ADRA1A: variants seen among roughly 807,000 people sequenced by gnomAD.
ADRA1A encodes the protein adrenoceptor alpha 1A.
Under a neutral mutation model 29.6 loss-of-function variants are expected in ADRA1A, and 31 were observed. The observed-to-expected ratio is 1.05, with a 90% confidence interval of 0.79 to 1.41. The LOEUF (loss-of-function observed/expected upper bound fraction) is 1.41, where lower values mean the gene tolerates loss of function less well. Ranked by LOEUF, ADRA1A falls within the 40% of genes most tolerant of loss-of-function variation. ADRA1A has a pLI of 0.00. For missense variants in ADRA1A, 619 were observed against 601.1 expected, an observed-to-expected ratio of 1.03 and a Z score of -0.31; for synonymous variants, 311 against 254.3, an observed-to-expected ratio of 1.22 and a Z score of -2.12.
chr8:26,844,495 G>C (rs560530423), intron 2 of ADRA1A, among the ~76,000 whole-genome samples: 179 of 152,242 alleles, frequency 1.2e-3, no homozygotes, highest in African/African-American at 2.5e-3. Context: ...GTGTGGTACT[G>C]TCATAAGGAT....
intron 2 of ADRA1A, among the ~76,000 whole-genome samples, chr8:26,822,232 C>T (rs867474841): frequency 1.3e-5 from 2 of 152,268 alleles, no homozygotes; most frequent in Middle Eastern, 3.4e-3. Flanking sequence ...AAGAGATATC[C>T]ACCACTTTTG....
At chr8:26,794,995 G>T (rs1262682316) in intron 2 of ADRA1A, among the ~76,000 whole-genome samples, 1 of 152,044 alleles carries the variant, frequency 6.6e-6, no homozygotes, top group African/African-American at 2.4e-5. Context: ...AACAAACGTT[G>T]TATTTTTTAA....
chr8:26,798,729 G>A (rs1045182825), intron 2 of ADRA1A, among the ~76,000 whole-genome samples: 34 of 152,146 alleles, frequency 2.2e-4, no homozygotes, highest in African/African-American at 8.2e-4. Flanking sequence ...TGGGGGTTAT[G>A]TAGGTTACCA....
In ADRA1A at chr8:26,848,862, G is replaced by A. The variant is rs1348015382; in HGVS notation, c.883+15225C>T. On this transcript the variant is annotated intron_variant, in intron 2 of 2. Coordinates refer to ENST00000380573, the MANE Select transcript of ADRA1A (RefSeq NM_000680.4). This position sits in a 1 kb window ranked among gnomAD's most constrained non-coding sequence, Gnocchi z 4.3. ...CTTCCTCTAACTGTTGAGAATCAAA[G>A]GCTATAGGAGGATGGGTCTGCTTTG... Among the ~76,000 whole-genome samples the A allele has an allele frequency of 1.3e-5, 2 of 152,148 alleles. No individual in the cohort carries two copies. The highest frequency in any genetic ancestry group is 1.9e-4 in the East Asian group (1 of 5,176).
chr8:26,855,276 G>A (rs2130764456), intron 2 of ADRA1A, among the ~76,000 whole-genome samples: 1 of 152,020 alleles, frequency 6.6e-6, no homozygotes, highest in South Asian at 2.1e-4. Flanking sequence ...GAAGTTTGTA[G>A]AAAAGATCAC....
intron 2 of ADRA1A, among the ~76,000 whole-genome samples, chr8:26,852,918 A>G (rs1355919157): frequency 6.6e-6 from 1 of 152,176 alleles, no homozygotes; most frequent in East Asian, 1.9e-4. Flanking sequence ...GAGAAGTGAA[A>G]TATTTCCTGT....
At chr8:26,818,668 G>T (rs1230463800) in intron 2 of ADRA1A, among the ~76,000 whole-genome samples, 2 of 152,084 alleles carry the variant, frequency 1.3e-5, no homozygotes, top group Non-Finnish European at 2.9e-5. Flanking sequence ...AGATTCTGGA[G>T]CTGGATAATA....
intron 2 of ADRA1A, among the ~76,000 whole-genome samples, chr8:26,840,105 T>C (rs1047143703): frequency 6.6e-6 from 1 of 152,240 alleles, no homozygotes; most frequent in Non-Finnish European, 1.5e-5. Flanking sequence ...TATGAAACAC[T>C]ATTGCTCAAG....
intron 2 of ADRA1A, among the ~76,000 whole-genome samples, chr8:26,749,891 G>C (rs56746287): frequency 6.6e-6 from 1 of 152,084 alleles, no homozygotes; most frequent in East Asian, 1.9e-4. Flanking sequence ...CCAGAAGAAG[G>C]CCTGGTCATG....
chr8:26,764,798 G>A (rs73558253), downstream of ADRA1A, among the ~76,000 whole-genome samples: 3 of 152,124 alleles, frequency 2.0e-5, no homozygotes, highest in African/African-American at 4.8e-5. Context: ...TCTCTACTGC[G>A]TTTGAATGCA....
intron 2 of ADRA1A, among the ~76,000 whole-genome samples, chr8:26,807,290 T>TTCTTTTGATTA (rs1386463104): frequency 6.6e-6 from 1 of 152,254 alleles, no homozygotes; most frequent in Non-Finnish European, 1.5e-5. Context: ...ACAGGGCTGC[T>TTCTTTTGATTA]TCTTTTGATA....
rs1053797554 is a variant in ADRA1A at position 26,865,958 on chromosome 8, C to T, written c.-686-303G>A. 2.0e-5 allele frequency among the ~76,000 whole-genome samples: 3 copies of T among 152,166 alleles called. No homozygotes were observed. Among genetic ancestry groups the T allele is most frequent in the Non-Finnish European group, 4.4e-5 (3 of 68,018 alleles). On this transcript the variant is annotated intron_variant, in intron 1 of 2. Coordinates refer to ENST00000380573, the MANE Select transcript of ADRA1A (RefSeq NM_000680.4). This position sits in a 1 kb window ranked among gnomAD's most constrained non-coding sequence, Gnocchi z 7.6. ...CAGCGCTCGAAGTCTGGATTTCGAGCGCAGGTACCACGAAATTAAAATCCT... is the reference window on the plus strand; with the variant it reads ...CAGCGCTCGAAGTCTGGATTTCGAGTGCAGGTACCACGAAATTAAAATCCT...
intron 2 of ADRA1A, among the ~76,000 whole-genome samples, chr8:26,850,841 C>T (rs1732395133): frequency 1.3e-5 from 2 of 152,114 alleles, no homozygotes; most frequent in Non-Finnish European, 2.9e-5. Flanking sequence ...ATAGTCTTCT[C>T]TAATATAATA....
At chr8:26,818,984 T>C (rs1809964617) in intron 2 of ADRA1A, among the ~76,000 whole-genome samples, 1 of 152,168 alleles carries the variant, frequency 6.6e-6, no homozygotes, top group South Asian at 2.1e-4. Flanking sequence ...ATCCAGACTT[T>C]TGATGTTCAG....
At chr8:26,858,029 C>T (rs958348503) in intron 2 of ADRA1A, among the ~76,000 whole-genome samples, 9 of 152,200 alleles carry the variant, frequency 5.9e-5, no homozygotes, top group Non-Finnish European at 4.4e-5. Context: ...CATTCTCTGC[C>T]TCATTGCCTC....
intron 2 of ADRA1A, among the ~76,000 whole-genome samples, chr8:26,857,271 A>G (rs1585851000): frequency 6.6e-6 from 1 of 152,054 alleles, no homozygotes; most frequent in Non-Finnish European, 1.5e-5. Flanking sequence ...CGTACTTTTG[A>G]CCATAGAATC....
chr8:26,790,447 G>T (rs1042514942), intron 2 of ADRA1A, among the ~76,000 whole-genome samples: 4 of 152,084 alleles, frequency 2.6e-5, no homozygotes, highest in African/African-American at 9.7e-5. Context: ...GGTTACTGAA[G>T]GCTGGGAAGA....
chr8:26,792,334 T>C (rs138320478), intron 2 of ADRA1A, among the ~76,000 whole-genome samples: 6 of 152,274 alleles, frequency 3.9e-5, no homozygotes, highest in African/African-American at 1.4e-4. Context: ...TTCCATTAGT[T>C]AGTCATCTTT....
At chr8:26,794,222 G>A (rs532148078) in intron 2 of ADRA1A, among the ~76,000 whole-genome samples, 2 of 152,166 alleles carry the variant, frequency 1.3e-5, no homozygotes, top group African/African-American at 4.8e-5. Context: ...GTTACCTGAG[G>A]TGGCTCTTTT....
Sources: allele counts gnomAD v4.1 joint callset (sites outside exome capture counted in the v4.1 genomes callset), GRCh38; gene constraint gnomAD v4.1.1; non-coding constraint Gnocchi (gnomAD v3.1); transcripts MANE v1.5; gene names NCBI Gene and HGNC (gene_info 2026-07-23, HGNC 2026-07-21).